Variants in GPR39 observed in about 807,000 individuals in gnomAD.
GPR39 encodes zinc sensing receptor.
Under a neutral mutation model 18.4 loss-of-function variants are expected in GPR39, and 23 were observed. The ratio of observed to expected loss-of-function variants is 1.25; its 90% CI spans 0.90 to 1.77. The LOEUF (loss-of-function observed/expected upper bound fraction) is 1.77. Among genes scored for constraint, GPR39 ranks in the 40% most tolerant of loss-of-function variants. The probability of loss-of-function intolerance (pLI) is 0.00; values close to 1 mark genes in which losing one functional copy is unlikely to be tolerated. For synonymous variants in GPR39, 280 were observed against 257.9 expected (o/e 1.09, Z -0.82); for missense variants, 647 against 602.4 (o/e 1.07, Z -0.78).
intron 1 of GPR39, among the ~76,000 whole-genome samples, chr2:132,636,381 C>A (rs1681756405): frequency 6.6e-6 from 1 of 152,266 alleles, no homozygotes; most frequent in East Asian, 1.9e-4. Context: ...GCTGGTCCTC[C>A]CAGGGTCTGG....
intron 1 of GPR39, among the ~76,000 whole-genome samples, chr2:132,492,181 CAT>C (rs904202602): frequency 7.0e-6 from 1 of 142,068 alleles, no homozygotes; most frequent in African/African-American, 2.6e-5. Flanking sequence ...ATATATACAC[CAT>C]ATATATACAT....
intron 1 of GPR39, among the ~76,000 whole-genome samples, chr2:132,425,570 C>T (rs1680104835): frequency 6.6e-6 from 1 of 152,192 alleles, no homozygotes; most frequent in African/African-American, 2.4e-5. Context: ...TACGTATCTT[C>T]TCCCAGTTAT....
chr2:132,524,747 A>T (rs1332843608), intron 1 of GPR39, among the ~76,000 whole-genome samples: 2 of 152,238 alleles, frequency 1.3e-5, no homozygotes, highest in Non-Finnish European at 2.9e-5. Context: ...TGAATTTTTT[A>T]AAAAATAAAT....
chr2:132,610,345 T>C (rs1681217946), intron 1 of GPR39, among the ~76,000 whole-genome samples: 1 of 152,160 alleles, frequency 6.6e-6, no homozygotes, highest in African/African-American at 2.4e-5. Context: ...TTAATTAAGA[T>C]GACACTAGCT....
At chr2:132,575,129 C>T (rs953825719) in intron 1 of GPR39, among the ~76,000 whole-genome samples, 3 of 152,042 alleles carry the variant, frequency 2.0e-5, no homozygotes, top group Non-Finnish European at 2.9e-5. Flanking sequence ...TATATCAGTA[C>T]ATAAAAGCTT....
chr2:132,428,876 C>T (rs1190582171), intron 1 of GPR39, among the ~76,000 whole-genome samples: 1 of 152,222 alleles, frequency 6.6e-6, no homozygotes, highest in African/African-American at 2.4e-5. Context: ...AAACTTAAAT[C>T]TGGCTCCAAG....
At chr2:132,577,598 T>TAC (rs1371970687) in intron 1 of GPR39, among the ~76,000 whole-genome samples, 1 of 152,140 alleles carries the variant, frequency 6.6e-6, no homozygotes, top group African/African-American at 2.4e-5. Flanking sequence ...ATAAGACATA[T>TAC]ATGATTTGTT....
At chr2:132,530,723 C>T (rs1027819788) in intron 1 of GPR39, among the ~76,000 whole-genome samples, 1 of 152,094 alleles carries the variant, frequency 6.6e-6, no homozygotes, top group Non-Finnish European at 1.5e-5. Context: ...AAAAGAATTT[C>T]CAACCCAGAA....
intron 1 of GPR39, among the ~76,000 whole-genome samples, chr2:132,591,848 A>G (rs1680851940): frequency 6.6e-6 from 1 of 152,236 alleles, no homozygotes; most frequent in African/African-American, 2.4e-5. Flanking sequence ...CTTTCGTGTG[A>G]ACATGGCTTT....
chr2:132,490,574 C>T (rs796115595), intron 1 of GPR39, among the ~76,000 whole-genome samples: 24 of 152,030 alleles, frequency 1.6e-4, no homozygotes, highest in African/African-American at 5.8e-4. Flanking sequence ...GAACCAGTAC[C>T]TAGAGCATGC....
intron 1 of GPR39, among the ~76,000 whole-genome samples, chr2:132,609,509 A>G (rs1370731913): frequency 6.6e-6 from 1 of 152,138 alleles, no homozygotes; most frequent in Non-Finnish European, 1.5e-5. Flanking sequence ...TTGAACTCCT[A>G]AGTCAGTGTT....
At chr2:132,544,039 C>T (rs1446615238) in intron 1 of GPR39, among the ~76,000 whole-genome samples, 1 of 152,164 alleles carries the variant, frequency 6.6e-6, no homozygotes, top group Non-Finnish European at 1.5e-5. Flanking sequence ...AGAATGGCAG[C>T]CAGAGTTCAG....
intron 1 of GPR39, among the ~76,000 whole-genome samples, chr2:132,494,536 A>G (rs1173585539): frequency 6.6e-6 from 1 of 152,190 alleles, no homozygotes; most frequent in Non-Finnish European, 1.5e-5. Flanking sequence ...GCCTTATACC[A>G]GGCATGATTA....
intron 1 of GPR39, among the ~76,000 whole-genome samples, chr2:132,478,412 C>CT (rs1681170591): frequency 6.6e-6 from 1 of 152,208 alleles, no homozygotes; most frequent in African/African-American, 2.4e-5. Context: ...CATTGTTAGA[C>CT]CCAAGCTAAT....
In GPR39 at chr2:132,645,579, G is replaced by A; in HGVS notation, c.1335G>A (p.Glu445=). ...SGAKPANSAA[E]NGFQEHEV is the part of the protein sequence containing the mutation. ...CGAAACCAGCCAATTCTGCTGCAGA[G>A]AATGGTTTTCAGGAGCATGAAGTTT... Residue 445 remains glutamate (E), a synonymous_variant, in exon 2 of 2, where the codon GAG becomes GAA. Coordinates refer to ENST00000329321, the MANE Select transcript of GPR39 (RefSeq NM_001508.3). The A allele has an allele frequency of 6.2e-7, 1 of 1,613,820 alleles. No homozygotes were observed. Among genetic ancestry groups the A allele is most frequent in the East Asian group, 2.2e-5 (1 of 44,878 alleles).
rs553905469 is a variant in GPR39 at position 132,459,840 on chromosome 2, A to C, written c.856+41942A>C. On this transcript the variant is annotated intron_variant, in intron 1 of 1. Transcript: ENST00000329321. Reference sequence around the variant, plus strand: ...ACACTGAGCAATGTCATTAGAAATAACTTCAGCTTTTAGTTGTCTCCAGGA... The same window carrying C: ...ACACTGAGCAATGTCATTAGAAATACCTTCAGCTTTTAGTTGTCTCCAGGA... Among the ~76,000 whole-genome samples the C allele has an allele frequency of 8.5e-5, 13 of 152,312 alleles. 1 individual carries two copies. In the South Asian group the frequency reaches 1.5e-3, roughly 17 times the overall value.
chr2:132,637,802 G>A (rs563563331), intron 1 of GPR39, among the ~76,000 whole-genome samples: 5 of 152,270 alleles, frequency 3.3e-5, no homozygotes, highest in South Asian at 4.1e-4. Context: ...TCTGCCTTCC[G>A]TTGACAAACT....
chr2:132,614,986 G>C (rs1358815261), intron 1 of GPR39, among the ~76,000 whole-genome samples: 1 of 152,022 alleles, frequency 6.6e-6, no homozygotes, highest in Non-Finnish European at 1.5e-5. Context: ...TTAAAGTTTG[G>C]TTTCCATCTG....
At chr2:132,427,477 A>G (rs77810256) in intron 1 of GPR39, among the ~76,000 whole-genome samples, 1,610 of 150,344 alleles carry the variant, frequency 0.011, 32 homozygotes, top group African/African-American at 0.034. Context: ...TACATATTCT[A>G]TTCTATTTGG....
Sources: gnomAD v4.1 joint callset for allele counts (sites outside exome capture counted in the v4.1 genomes callset) on GRCh38, gnomAD v4.1.1 for gene constraint, MANE v1.5 for transcripts, NCBI Gene and HGNC (gene_info 2026-07-23, HGNC 2026-07-21) for gene names.